FLT1: variants seen among roughly 807,000 people sequenced by gnomAD.
FLT1 encodes vascular endothelial growth factor receptor 1.
In FLT1, 49 loss-of-function variants were observed where a neutral mutation model predicts 156.3. The ratio of observed to expected loss-of-function variants is 0.31; its 90% CI spans 0.25 to 0.40. FLT1 has a LOEUF of 0.40. FLT1 is among the 10% of genes least tolerant of loss of function. The pLI, the probability that FLT1 is intolerant of heterozygous loss-of-function variation, is 1.00. For synonymous variants in FLT1, 594 were observed against 583.8 expected, an observed-to-expected ratio of 1.02 and a Z score of -0.25; for missense variants, 1,322 against 1,637.2, an observed-to-expected ratio of 0.81 and a Z score of 3.32.
At chr13:28,489,436 G>A (rs540585269) in intron 1 of FLT1, among the ~76,000 whole-genome samples, 2 of 152,242 alleles carry the variant, frequency 1.3e-5, no homozygotes, top group African/African-American at 4.8e-5. Context: ...CAAAGAGAAA[G>A]GACACAGACA....
At chr13:28,480,831 T>C (rs1470131742) in intron 1 of FLT1, among the ~76,000 whole-genome samples, 1 of 152,200 alleles carries the variant, frequency 6.6e-6, no homozygotes, top group Non-Finnish European at 1.5e-5. Context: ...CAAGTAATCA[T>C]ACTTTAGATA....
chr13:28,319,484 G>C lies in FLT1; in HGVS notation c.3225C>G (p.Ile1075Met), dbSNP rs752304404. 3.1e-6 allele frequency: 5 copies of C among 1,614,048 alleles called. No individual in the cohort carries two copies. Among genetic ancestry groups the C allele is most frequent in the South Asian group, 1.1e-5 (1 of 91,054 alleles). Residue 1075 changes from isoleucine to methionine, a missense_variant, in exon 24 of 30, where the codon ATC becomes ATG. By Grantham distance (10) the Ile-to-Met change is conservative. Coordinates refer to ENST00000282397, the MANE Select transcript of FLT1 (RefSeq NM_002019.4). The part of the protein sequence containing the change: ...WMAPESIFDK[I>M]YSTKSDVWSY... ...ACCACACGTCGCTCTTGGTGCTGTA[G>C]ATTTTGTCAAAGATAGATTCAGGAG... is the stretch of plus-strand genomic sequence containing the variant.
chr13:28,345,890 G>A, intron 15 of FLT1: 1 of 236,132 alleles, frequency 4.2e-6, no homozygotes, highest in Non-Finnish European at 8.3e-6. Flanking sequence ...AATTAAGGCA[G>A]GAACAAAAGC....
chr13:28,429,674 C>T (rs949221401), intron 8 of FLT1, among the ~76,000 whole-genome samples: 1 of 152,160 alleles, frequency 6.6e-6, no homozygotes, highest in Non-Finnish European at 1.5e-5. Flanking sequence ...ATTCTCATTA[C>T]AAGAGCCCAC....
At chr13:28,399,323 T>C (rs937875664) in intron 11 of FLT1, among the ~76,000 whole-genome samples, 2 of 152,220 alleles carry the variant, frequency 1.3e-5, no homozygotes, top group Non-Finnish European at 2.9e-5. Context: ...AGGAGAAACT[T>C]ACTTAGATTC....
intron 3 of FLT1, among the ~76,000 whole-genome samples, chr13:28,442,369 C>A (rs969679683): frequency 1.3e-5 from 2 of 152,128 alleles, no homozygotes; most frequent in African/African-American, 4.8e-5. Context: ...ACAAAAAGTT[C>A]CTACAGGAGA....
chr13:28,394,846 C>T (rs1331243336), intron 12 of FLT1, among the ~76,000 whole-genome samples: 4 of 152,122 alleles, frequency 2.6e-5, no homozygotes, highest in Non-Finnish European at 5.9e-5. Flanking sequence ...TTTAAATCTG[C>T]TTCTAGGTTG....
chr13:28,331,373 A>G (rs11616820), intron 18 of FLT1, among the ~76,000 whole-genome samples: 4,799 of 152,326 alleles, frequency 0.032, 165 homozygotes, highest in Admixed American at 0.091. Context: ...GCCCAAAAAG[A>G]TTAATATTTT....
chr13:28,315,514 C>T (rs948725397), intron 25 of FLT1, among the ~76,000 whole-genome samples: 2 of 152,138 alleles, frequency 1.3e-5, no homozygotes, highest in Non-Finnish European at 2.9e-5. Flanking sequence ...TGAGATCACG[C>T]CACTGCACTC....
intron 1 of FLT1, among the ~76,000 whole-genome samples, chr13:28,472,495 CT>C (rs1431608730): frequency 6.6e-6 from 1 of 152,188 alleles, no homozygotes; most frequent in East Asian, 1.9e-4. Context: ...GTTTAGAAAA[CT>C]GCTATTTTTA....
chr13:28,321,845 TGGGC>T (rs1871475557), intron 22 of FLT1, among the ~76,000 whole-genome samples: 4 of 152,258 alleles, frequency 2.6e-5, no homozygotes, highest in Non-Finnish European at 4.4e-5. Flanking sequence ...GATTTACCAG[TGGGC>T]AAACTTTCCC....
chr13:28,303,494 C>CA (rs1188008457), intron 29 of FLT1, 126 bp from the exon 30 acceptor site: 1 of 754,420 alleles, frequency 1.3e-6, no homozygotes. Context: ...GTTTTGGAAC[C>CA]CCCCCCCCCT....
intron 15 of FLT1, among the ~76,000 whole-genome samples, chr13:28,349,470 G>GCA (rs142131155): frequency 3.6e-4 from 53 of 145,266 alleles, no homozygotes; most frequent in Middle Eastern, 7.5e-3. Context: ...ATGCGCACAC[G>GCA]CACACACACA....
rs148066517 is a variant in FLT1, at chr13:28,315,685, T to G, written c.3386+1813A>C. 6.8e-3 allele frequency among the ~76,000 whole-genome samples: 1,029 copies of G among 152,350 alleles called. 10 individuals are homozygous for G. Among genetic ancestry groups the G allele is most frequent in the African/African-American group, 0.024 (999 of 41,578 alleles). ...ATGTAAAAATATTGTTATTTAATAATAACAACTATTAGTGTAATTGAGAAC... is the reference window on the plus strand; with the variant it reads ...ATGTAAAAATATTGTTATTTAATAAGAACAACTATTAGTGTAATTGAGAAC... On this transcript the variant is annotated intron_variant, in intron 25 of 29. Transcript: ENST00000282397.
Position 28,322,355 on chromosome 13 carries a change from A to C in FLT1, c.2958T>G (p.Ser986=), listed in dbSNP as rs1263294509. The C allele has an allele frequency of 3.1e-6, 5 of 1,605,814 alleles. No individual in the cohort carries two copies. The highest frequency in any genetic ancestry group is 4.3e-6 in the Non-Finnish European group (5 of 1,172,560). The change falls in exon 22 of 30, where the codon TCT becomes TCG. Residue 986 remains serine (S), a synonymous_variant. Transcript: ENST00000282397. This position sits in a 1 kb window ranked among gnomAD's most constrained non-coding sequence, Gnocchi z 4.3. ...TGATGGGCTCCTTGTAGAAACCGTC[A>C]GAATCTGGAAAGCATTAGAACCGTA... ...SLSDVEEEED[S]DGFYKEPITM...
rs780871902 is a variant in FLT1, at chr13:28,438,178, T to C, written c.513+43A>G. 6 of 1,596,286 alleles carry C rather than the reference T, an allele frequency of 3.8e-6. No homozygotes were observed. On this transcript the variant is annotated intron_variant, in intron 4 of 29. Coordinates refer to ENST00000282397, the MANE Select transcript of FLT1 (RefSeq NM_002019.4). The stretch of plus-strand genomic sequence containing the variant: ...AACGAGTAAAACTTCATTATGCTTA[T>C]TTGCAGTGAAAGTATGCTGAGAATA...
At chr13:28,437,665 T>C (rs1475915770) in intron 4 of FLT1, among the ~76,000 whole-genome samples, 2 of 152,226 alleles carry the variant, frequency 1.3e-5, no homozygotes, top group Non-Finnish European at 2.9e-5. Context: ...TACAATATAG[T>C]ATGAAGAAAA....
intron 1 of FLT1, among the ~76,000 whole-genome samples, chr13:28,486,837 C>T (rs1881196872): frequency 6.6e-6 from 1 of 152,220 alleles, no homozygotes; most frequent in Non-Finnish European, 1.5e-5. Flanking sequence ...GATTTAGTGC[C>T]TTTTACAGAT....
At chr13:28,434,869 CGA>C (rs1877937951) in intron 4 of FLT1, among the ~76,000 whole-genome samples, 1 of 152,168 alleles carries the variant, frequency 6.6e-6, no homozygotes, top group Admixed American at 6.5e-5. Flanking sequence ...GGTGATAGAA[CGA>C]GACTCTGTCT....
Sources: allele counts gnomAD v4.1 joint callset (sites outside exome capture counted in the v4.1 genomes callset), GRCh38; gene constraint gnomAD v4.1.1; non-coding constraint Gnocchi (gnomAD v3.1); transcripts MANE v1.5; gene names NCBI Gene and HGNC (gene_info 2026-07-23, HGNC 2026-07-21).